Variants in ATP8A2 observed in about 807,000 individuals in gnomAD.
ATP8A2 encodes the protein ATPase phospholipid transporting 8A2.
Under a neutral mutation model 165.6 loss-of-function variants are expected in ATP8A2, and 100 were observed. That is an observed-to-expected ratio of 0.60 (90% confidence interval 0.51 to 0.71). ATP8A2 has a LOEUF of 0.71. ATP8A2 is among the 30% of genes least tolerant of loss of function. The pLI is 0.00. For synonymous variants in ATP8A2, 543 were observed against 548.8 expected, an observed-to-expected ratio of 0.99 and a Z score of 0.15; for missense variants, 1,227 against 1,479.5, an observed-to-expected ratio of 0.83 and a Z score of 2.80.
chr13:25,566,013 G>C (rs8002610), intron 16 of ATP8A2, among the ~76,000 whole-genome samples: 107,033 of 151,954 alleles, frequency 0.7, 38,850 homozygotes, highest in African/African-American at 0.77. Context: ...AAAATTAAAA[G>C]TTTATCTTTC....
chr13:25,906,913 T>C (rs1953953501), intron 33 of ATP8A2, among the ~76,000 whole-genome samples: 1 of 152,186 alleles, frequency 6.6e-6, no homozygotes, highest in African/African-American at 2.4e-5. Flanking sequence ...CACGAAACTG[T>C]TTATTGTATT....
intron 1 of ATP8A2, among the ~76,000 whole-genome samples, chr13:25,411,721 A>C (rs561244763): frequency 2.0e-5 from 3 of 152,336 alleles, no homozygotes; most frequent in African/African-American, 7.2e-5. Flanking sequence ...ACATATTTAT[A>C]TATACATACA....
chr13:25,748,472 TAAGCA>T (rs2044083600), intron 25 of ATP8A2, among the ~76,000 whole-genome samples: 7 of 152,224 alleles, frequency 4.6e-5, no homozygotes, highest in African/African-American at 1.7e-4. Context: ...AAAAATTTTA[TAAGCA>T]TTAATCAATG....
At chr13:25,609,586 G>GATCCAAATATATATATATATATTT (rs2040624669) in intron 24 of ATP8A2, among the ~76,000 whole-genome samples, 4 of 113,954 alleles carry the variant, frequency 3.5e-5, no homozygotes, top group African/African-American at 9.3e-5. Context: ...TATATATTTG[G>GATCCAAATATATATATATATATTT]GTTCAAATAT....
rs71077495 is a variant in ATP8A2, at chr13:25,701,723, A to AACACACACACACAC, written c.2384+2409_2384+2422dup. On this transcript the variant is annotated intron_variant, in intron 25 of 36. Coordinates refer to ENST00000381655, the MANE Select transcript of ATP8A2 (RefSeq NM_016529.6). ...TTTCTTGCCAGGTGCTTGATACTAAAACACACACACACACACACACACACA... is the reference window on the plus strand; with the variant it reads ...TTTCTTGCCAGGTGCTTGATACTAAAACACACACACACACACACACACACACACACACACACACA... Among the ~76,000 whole-genome samples the AACACACACACACAC allele has an allele frequency of 2.2e-3, 305 of 140,562 alleles. 1 individual carries two copies. Among genetic ancestry groups the AACACACACACACAC allele is most frequent in the Middle Eastern group, 7.5e-3 (2 of 268 alleles). The allele number at this position is 140,562 out of a possible 152,430, so 92.2% of individuals were successfully genotyped here.
intron 33 of ATP8A2, among the ~76,000 whole-genome samples, chr13:25,932,924 G>A (rs1954803226): frequency 6.6e-6 from 1 of 152,160 alleles, no homozygotes; most frequent in South Asian, 2.1e-4. Flanking sequence ...TCGGCTCACT[G>A]CAACCTCCGC....
In ATP8A2 at chr13:25,953,175, C is replaced by T. The variant is rs1189928681; in HGVS notation, c.3184-8400C>T. On this transcript the variant is annotated intron_variant, in intron 33 of 36. Coordinates refer to ENST00000381655, the MANE Select transcript of ATP8A2 (RefSeq NM_016529.6). This position sits in a 1 kb window ranked among gnomAD's most constrained non-coding sequence, Gnocchi z 6.7. Reference sequence around the variant, plus strand: ...GGAAAAATTGTCCCCTCCTGTGTTTCTTTTCGTCTTTTAACTTTACAAGTG... The same window carrying T: ...GGAAAAATTGTCCCCTCCTGTGTTTTTTTTCGTCTTTTAACTTTACAAGTG... 6.6e-6 allele frequency among the ~76,000 whole-genome samples: 1 copy of T among 152,110 alleles called. No homozygotes were observed. The highest frequency in any genetic ancestry group is 1.5e-5 in the Non-Finnish European group (1 of 68,012).
rs573619549 is a variant in ATP8A2 at position 25,587,739 on chromosome 13, G to GA, written c.2147-1892dup. On this transcript the variant is annotated intron_variant, in intron 23 of 36. Coordinates refer to ENST00000381655, the MANE Select transcript of ATP8A2 (RefSeq NM_016529.6). The stretch of plus-strand genomic sequence containing the variant: ...CAATATCCCTCTTTGCAAGTGAAAA[G>GA]AAAATGTAGATCTCCCTTCTGGACC... Among the ~76,000 whole-genome samples the GA allele has an allele frequency of 1.1e-3, 165 of 152,290 alleles. 1 individual carries two copies. The East Asian group carries it at 0.012, about 11-fold the overall frequency.
chr13:25,535,085 G>T (rs998834948), intron 6 of ATP8A2, among the ~76,000 whole-genome samples: 1 of 152,202 alleles, frequency 6.6e-6, no homozygotes, highest in East Asian at 1.9e-4. Context: ...CAGTGGTTCA[G>T]ATCAGGAAAG....
intron 33 of ATP8A2, among the ~76,000 whole-genome samples, chr13:25,931,323 CTCA>C (rs1346474773): frequency 6.6e-6 from 1 of 152,180 alleles, no homozygotes; most frequent in Non-Finnish European, 1.5e-5. Flanking sequence ...TCCAGGATAC[CTCA>C]TGATGTATAT....
rs1287969899 is a variant in ATP8A2 at position 25,579,998 on chromosome 13, T to G, written c.2007+51T>G. ...CAGCTCCATGAAGGACTTAACCACC[T>G]ATTTCACAAAGTATTTGAACAGGAA... On this transcript the variant is annotated intron_variant, in intron 22 of 36. Transcript: ENST00000381655. 1.9e-6 allele frequency: 3 copies of G among 1,597,734 alleles called. No individual in the cohort carries two copies. The African/African-American group carries it at 4.0e-5, about 21-fold the overall frequency.
intron 24 of ATP8A2, among the ~76,000 whole-genome samples, chr13:25,664,734 G>C (rs1205299928): frequency 1.3e-5 from 2 of 152,176 alleles, no homozygotes; most frequent in South Asian, 4.1e-4. Flanking sequence ...TCATCCAAGA[G>C]ATGTGAAAGA....
chr13:25,768,509 G>T (rs1349932616), intron 25 of ATP8A2, among the ~76,000 whole-genome samples: 1 of 151,306 alleles, frequency 6.6e-6, no homozygotes, highest in Non-Finnish European at 1.5e-5. Context: ...TCATTTTCTG[G>T]GGCGGATGTA....
intron 27 of ATP8A2, among the ~76,000 whole-genome samples, chr13:25,817,632 T>C (rs1951062992): frequency 6.6e-6 from 1 of 152,224 alleles, no homozygotes; most frequent in Non-Finnish European, 1.5e-5. Flanking sequence ...TAATAATTTC[T>C]ATTTTATACT....
In ATP8A2 at chr13:25,786,248, T is replaced by C. The variant is rs77388596; in HGVS notation, c.2679+11289T>C. On this transcript the variant is annotated intron_variant, in intron 27 of 36. Coordinates refer to ENST00000381655, the MANE Select transcript of ATP8A2 (RefSeq NM_016529.6). ...CTAACGATACATCTGAGCTGCGATA[T>C]TGGTTTTCCAGCAGATGTCCTAAGA... Among the ~76,000 whole-genome samples the C allele has an allele frequency of 4.1e-3, 618 of 152,320 alleles. 6 individuals are homozygous for C. Among genetic ancestry groups the C allele is most frequent in the African/African-American group, 0.014 (597 of 41,568 alleles).
intron 25 of ATP8A2, among the ~76,000 whole-genome samples, chr13:25,726,198 A>G (rs2043489734): frequency 6.6e-6 from 1 of 152,186 alleles, no homozygotes; most frequent in Admixed American, 6.5e-5. Flanking sequence ...TGTTTTGTAC[A>G]AGTACCTGAA....
At chr13:25,502,097 C>T (rs112613833) in intron 2 of ATP8A2, among the ~76,000 whole-genome samples, 36 of 152,110 alleles carry the variant, frequency 2.4e-4, no homozygotes, top group Admixed American at 8.5e-4. Context: ...AGAAAGCAAC[C>T]CTCTGAAGTA....
intron 1 of ATP8A2, among the ~76,000 whole-genome samples, chr13:25,391,507 A>T (rs1347950002): frequency 6.6e-6 from 1 of 152,242 alleles, no homozygotes; most frequent in Non-Finnish European, 1.5e-5. Context: ...GTTCTTAGGA[A>T]TCTGCTGGGG....
In ATP8A2 at chr13:25,465,695, CTTT is replaced by C. The variant is rs1566153139; in HGVS notation, c.77-3281_77-3279del. ...TCTTTCTTTCTTTCTTTCTTTCTTTCTTTCTTTCTTTCTTTCTTTCTTTCTTTC... is the reference window on the plus strand; with the variant it reads ...TCTTTCTTTCTTTCTTTCTTTCTTTCCTTTCTTTCTTTCTTTCTTTCTTTC... On this transcript the variant is annotated intron_variant, in intron 1 of 36. Transcript: ENST00000381655. 2.3e-3 allele frequency among the ~76,000 whole-genome samples: 41 copies of C among 17,884 alleles called. 1 individual carries two copies. The highest frequency in any genetic ancestry group is 5.8e-3 in the African/African-American group (41 of 7,044). The allele number at this position is 17,884 out of a possible 152,430, so 11.7% of individuals were successfully genotyped here. A position where few individuals can be genotyped will look rare whatever the true frequency, so the allele number is the denominator to read the frequency against.
Sources: allele counts gnomAD v4.1 joint callset (sites outside exome capture counted in the v4.1 genomes callset), GRCh38; gene constraint gnomAD v4.1.1; non-coding constraint Gnocchi (gnomAD v3.1); transcripts MANE v1.5; gene names NCBI Gene and HGNC (gene_info 2026-07-23, HGNC 2026-07-21).